QTGAL: variants seen among roughly 807,000 people sequenced by gnomAD.
QTGAL encodes BGnT-like protein 1.
chr17:83,013,760 C>A, the QTGAL span, among the ~76,000 whole-genome samples: 5 of 152,122 alleles, frequency 3.3e-5, no homozygotes, highest in East Asian at 7.8e-4. Flanking sequence ...GCCCGGGGGA[C>A]GGACACTGTG....
At chr17:83,017,447 A>T in the QTGAL span, among the ~76,000 whole-genome samples, 1 of 151,436 alleles carries the variant, frequency 6.6e-6, no homozygotes, top group Admixed American at 6.6e-5. Context: ...AGATGGTGAA[A>T]CTCTGGCTCT....
At chr17:82,973,273 G>T in the QTGAL span, among the ~76,000 whole-genome samples, 1 of 152,188 alleles carries the variant, frequency 6.6e-6, no homozygotes, top group Non-Finnish European at 1.5e-5. Context: ...AGCAAATAAC[G>T]ACTCTGAAGA....
the QTGAL span, among the ~76,000 whole-genome samples, chr17:82,971,015 G>A: frequency 2.5e-4 from 38 of 152,262 alleles, no homozygotes; most frequent in East Asian, 6.6e-3. Flanking sequence ...GGTCGGCGTC[G>A]TGGGGCGCAG....
chr17:83,036,929 G>A, the QTGAL span, among the ~76,000 whole-genome samples: 1 of 152,134 alleles, frequency 6.6e-6, no homozygotes, highest in Non-Finnish European at 1.5e-5. Context: ...GGCAAGCTCA[G>A]CTTCGATGCC....
At chr17:82,957,285 C>CTGAGG in the QTGAL span, 2 of 1,613,968 alleles carry the variant, frequency 1.2e-6, no homozygotes, top group African/African-American at 2.7e-5. Context: ...TCTGGACAGG[C>CTGAGG]CGGGGCCAGG....
the QTGAL span, among the ~76,000 whole-genome samples, chr17:83,007,650 C>CG: frequency 6.6e-6 from 1 of 152,096 alleles, no homozygotes; most frequent in Non-Finnish European, 1.5e-5. Context: ...GCCTCTCGGA[C>CG]GGGGGCTGAT....
chr17:82,943,330 G>GGT, the QTGAL span: 1 of 152,170 alleles, frequency 6.6e-6, no homozygotes, highest in African/African-American at 2.4e-5. Context: ...ATTTCACTGT[G>GGT]GTAGCAACCC....
the QTGAL span, among the ~76,000 whole-genome samples, chr17:82,989,377 G>C: frequency 6.6e-6 from 1 of 151,706 alleles, no homozygotes; most frequent in Non-Finnish European, 1.5e-5. Context: ...AGGAAAAATA[G>C]CTAATGCATG....
At chr17:82,988,452 T>G in the QTGAL span, among the ~76,000 whole-genome samples, 1,847 of 152,094 alleles carry the variant, frequency 0.012, 43 homozygotes, top group African/African-American at 0.042. Flanking sequence ...CATGGGAAAA[T>G]ATTACATGAC....
the QTGAL span, among the ~76,000 whole-genome samples, chr17:82,956,154 TTAAAG>T: frequency 2.0e-5 from 3 of 151,578 alleles, no homozygotes; most frequent in South Asian, 2.1e-4. The surrounding 1 kb of genome is among the most constrained non-coding windows in gnomAD (Gnocchi z 5.7). Context: ...ATCCCAGAAC[TTAAAG>T]TAAAATTAAA....
At chr17:83,006,949 G>T in the QTGAL span, 1 of 497,298 alleles carries the variant, frequency 2.0e-6, no homozygotes, top group Non-Finnish European at 2.6e-6. This position sits in a 1 kb window ranked among gnomAD's most constrained non-coding sequence, Gnocchi z 5.8. Context: ...CACCCTCAGT[G>T]ATGCATGAGG....
At chr17:82,982,810 C>A in the QTGAL span, among the ~76,000 whole-genome samples, 1 of 152,022 alleles carries the variant, frequency 6.6e-6, no homozygotes, top group Non-Finnish European at 1.5e-5. Context: ...AACATGGGGA[C>A]GTCTCACAGA....
chr17:83,046,978 G>C, the QTGAL span, among the ~76,000 whole-genome samples: 8 of 152,364 alleles, frequency 5.3e-5, no homozygotes, highest in East Asian at 1.5e-3. Flanking sequence ...AGAGCACGTG[G>C]AACCTGACTC....
At chr17:82,942,182 A>T in the QTGAL span, 61 of 550,704 alleles carry the variant, frequency 1.1e-4, no homozygotes, top group African/African-American at 1.1e-3. Flanking sequence ...ATTAGGAAAA[A>T]TTTCAAACGT....
the QTGAL span, among the ~76,000 whole-genome samples, chr17:82,991,526 T>C: frequency 6.6e-6 from 1 of 152,212 alleles, no homozygotes; most frequent in South Asian, 2.1e-4. Flanking sequence ...GGAATGCAGA[T>C]GCAGCTTAGA....
the QTGAL span, among the ~76,000 whole-genome samples, chr17:83,034,636 C>T: frequency 6.6e-6 from 1 of 152,216 alleles, no homozygotes; most frequent in Admixed American, 6.5e-5. Context: ...CCCACAATTC[C>T]CACGTGTCGT....
At chr17:83,035,143 C>T in the QTGAL span, 19 of 1,508,830 alleles carry the variant, frequency 1.3e-5, no homozygotes, top group African/African-American at 1.5e-4. Flanking sequence ...ATTCAGTTTC[C>T]AGCAGCATTC....
the QTGAL span, among the ~76,000 whole-genome samples, chr17:82,973,973 A>C: frequency 1.3e-5 from 2 of 152,052 alleles, no homozygotes; most frequent in Non-Finnish European, 2.9e-5. Flanking sequence ...ACTGACCAGC[A>C]AGCAGCCCAG....
chr17:82,954,604 C>T, the QTGAL span, among the ~76,000 whole-genome samples: 1 of 152,184 alleles, frequency 6.6e-6, no homozygotes, highest in Non-Finnish European at 1.5e-5. Context: ...CTGCCATTGA[C>T]TTTATTCACA....
Sources: gnomAD v4.1 joint callset for allele counts (sites outside exome capture counted in the v4.1 genomes callset) on GRCh38, gnomAD v4.1.1 for gene constraint, Gnocchi (gnomAD v3.1) non-coding constraint, MANE v1.5 for transcripts, NCBI Gene and HGNC (gene_info 2026-07-23, HGNC 2026-07-21) for gene names.